Variants in BMAL1 observed in about 807,000 individuals in gnomAD.
The protein encoded by BMAL1 is basic helix-loop-helix ARNT-like protein 1.
the BMAL1 span, chr11:13,366,616 A>G: frequency 6.7e-7 from 1 of 1,497,744 alleles, no homozygotes; most frequent in Non-Finnish European, 9.3e-7. Context: ...TGCATAATTG[A>G]TTTTCTGCAT....
the BMAL1 span, chr11:13,376,576 G>A: frequency 6.5e-7 from 1 of 1,539,280 alleles, no homozygotes; most frequent in Non-Finnish European, 9.0e-7. Flanking sequence ...CCTTGGCCAA[G>A]TTGAATGGTG....
chr11:13,280,083 G>T, the BMAL1 span, among the ~76,000 whole-genome samples: 1 of 152,190 alleles, frequency 6.6e-6, no homozygotes, highest in African/African-American at 2.4e-5. Context: ...TTGAAGTTCT[G>T]TAAGTCTCTA....
At chr11:13,280,400 A>G in the BMAL1 span, among the ~76,000 whole-genome samples, 1 of 152,274 alleles carries the variant, frequency 6.6e-6, no homozygotes, top group African/African-American at 2.4e-5. Flanking sequence ...ATTTGGCTGT[A>G]TTAACAAAAC....
the BMAL1 span, among the ~76,000 whole-genome samples, chr11:13,302,055 A>C: frequency 5.5e-4 from 84 of 152,294 alleles, 1 homozygote; most frequent in Admixed American, 5.5e-3. Context: ...ATCAACATTC[A>C]GGAATGCAGA....
chr11:13,322,206 G>A, the BMAL1 span, among the ~76,000 whole-genome samples: 1 of 152,156 alleles, frequency 6.6e-6, no homozygotes, highest in Admixed American at 6.5e-5. Flanking sequence ...GAATGAGAAG[G>A]AACGTCGGCT....
the BMAL1 span, among the ~76,000 whole-genome samples, chr11:13,341,684 T>C: frequency 6.6e-6 from 1 of 152,238 alleles, no homozygotes; most frequent in Non-Finnish European, 1.5e-5. Flanking sequence ...GGCAGTAAGT[T>C]TTTTGGTGAA....
the BMAL1 span, among the ~76,000 whole-genome samples, chr11:13,278,948 G>T: frequency 6.6e-6 from 1 of 152,214 alleles, no homozygotes; most frequent in Non-Finnish European, 1.5e-5. Context: ...GGGGTCGCGA[G>T]AGCCGGCAGC....
chr11:13,357,290 T>C, the BMAL1 span, among the ~76,000 whole-genome samples: 1 of 152,258 alleles, frequency 6.6e-6, no homozygotes, highest in Non-Finnish European at 1.5e-5. The surrounding 1 kb of genome is among the most constrained non-coding windows in gnomAD (Gnocchi z 4.8). Context: ...GGCTGGCCTT[T>C]ACTCTTTGCT....
chr11:13,344,175 C>T, the BMAL1 span, among the ~76,000 whole-genome samples: 1 of 152,194 alleles, frequency 6.6e-6, no homozygotes, highest in South Asian at 2.1e-4. Flanking sequence ...CTGGTCTCAT[C>T]TCCTTTTATT....
At chr11:13,281,621 T>A in the BMAL1 span, among the ~76,000 whole-genome samples, 1 of 152,160 alleles carries the variant, frequency 6.6e-6, no homozygotes. Flanking sequence ...GTAATCCTCC[T>A]GCCTCAGCCT....
the BMAL1 span, among the ~76,000 whole-genome samples, chr11:13,315,737 T>G: frequency 6.6e-6 from 1 of 152,230 alleles, no homozygotes; most frequent in South Asian, 2.1e-4. Flanking sequence ...TGGGCAGCCC[T>G]TTTGAGCCCC....
chr11:13,360,464 T>A, the BMAL1 span: 9 of 1,581,368 alleles, frequency 5.7e-6, no homozygotes, highest in East Asian at 2.0e-4. Flanking sequence ...CGTTTGTTTT[T>A]ATAAATTTTC....
the BMAL1 span, among the ~76,000 whole-genome samples, chr11:13,363,658 A>T: frequency 2.0e-5 from 3 of 152,246 alleles, no homozygotes; most frequent in Admixed American, 1.3e-4. Context: ...AGTGTATGTC[A>T]GGGATCAGTC....
the BMAL1 span, among the ~76,000 whole-genome samples, chr11:13,291,522 C>T: frequency 6.6e-6 from 1 of 152,176 alleles, no homozygotes; most frequent in South Asian, 2.1e-4. Flanking sequence ...ATGACATCTC[C>T]TCTTGTGGAC....
At chr11:13,333,707 T>A in the BMAL1 span, among the ~76,000 whole-genome samples, 1 of 152,256 alleles carries the variant, frequency 6.6e-6, no homozygotes. Context: ...GCACCAGGCA[T>A]CCTGCTCCTG....
the BMAL1 span, among the ~76,000 whole-genome samples, chr11:13,288,049 C>G: frequency 1.3e-5 from 2 of 152,114 alleles, no homozygotes; most frequent in Non-Finnish European, 2.9e-5. Flanking sequence ...GGTAGGATTT[C>G]GATTCACAGA....
At chr11:13,316,786 G>A in the BMAL1 span, among the ~76,000 whole-genome samples, 1 of 152,228 alleles carries the variant, frequency 6.6e-6, no homozygotes, top group Non-Finnish European at 1.5e-5. Flanking sequence ...GGGAGGAGGA[G>A]AAGGGGGACG....
chr11:13,333,051 CT>C, the BMAL1 span, among the ~76,000 whole-genome samples: 1 of 151,480 alleles, frequency 6.6e-6, no homozygotes, highest in Non-Finnish European at 1.5e-5. Context: ...ATTGCAGCCT[CT>C]GCCTGCTGGG....
the BMAL1 span, chr11:13,356,826 C>T: frequency 1.2e-5 from 19 of 1,613,560 alleles, no homozygotes; most frequent in Non-Finnish European, 1.6e-5. Context: ...TAGCCATTTT[C>T]TTTGCACTGT....
Sources: gnomAD v4.1 joint callset for allele counts (sites outside exome capture counted in the v4.1 genomes callset) on GRCh38, gnomAD v4.1.1 for gene constraint, Gnocchi (gnomAD v3.1) non-coding constraint, MANE v1.5 for transcripts, NCBI Gene and HGNC (gene_info 2026-07-23, HGNC 2026-07-21) for gene names.